SLC35F3: variants seen among roughly 807,000 people sequenced by gnomAD.
The protein encoded by SLC35F3 is putative thiamine transporter SLC35F3.
In SLC35F3, 25 loss-of-function variants were observed where a neutral mutation model predicts 49.9. The ratio of observed to expected loss-of-function variants is 0.50; its 90% CI spans 0.37 to 0.70. The LOEUF (loss-of-function observed/expected upper bound fraction) is 0.70. Ranked by LOEUF, SLC35F3 falls within the 30% of genes least tolerant of loss-of-function variation. The pLI, the probability that SLC35F3 is intolerant of heterozygous loss-of-function variation, is 0.00. For missense variants in SLC35F3, 525 were observed against 639.8 expected (o/e 0.82, Z 1.94); for synonymous variants, 275 against 265.4 (o/e 1.04, Z -0.35).
At chr1:234,259,905 A>G (rs1667876688) in intron 3 of SLC35F3, among the ~76,000 whole-genome samples, 1 of 152,088 alleles carries the variant, frequency 6.6e-6, no homozygotes, top group African/African-American at 2.4e-5. Flanking sequence ...CAGCTTCAAT[A>G]TAATAAAATC....
At chr1:234,086,380 C>T (rs1449808801) in intron 2 of SLC35F3, among the ~76,000 whole-genome samples, 1 of 152,174 alleles carries the variant, frequency 6.6e-6, no homozygotes, top group Non-Finnish European at 1.5e-5. Context: ...GGATCTTACT[C>T]CATAGCCAAC....
intron 2 of SLC35F3, chr1:234,026,953 T>G (rs1663988272): frequency 6.5e-6 from 1 of 152,694 alleles, no homozygotes; most frequent in South Asian, 2.1e-4. Flanking sequence ...GGATACCACT[T>G]TGCACCAGCA....
At chr1:234,240,718 A>G (rs866329911) in intron 3 of SLC35F3, among the ~76,000 whole-genome samples, 3 of 152,232 alleles carry the variant, frequency 2.0e-5, no homozygotes, top group South Asian at 2.1e-4. Context: ...TGATGATAAC[A>G]TAGTAGAACC....
At chr1:234,178,986 G>T (rs945008862) in intron 2 of SLC35F3, among the ~76,000 whole-genome samples, 3 of 151,984 alleles carry the variant, frequency 2.0e-5, no homozygotes, top group African/African-American at 7.3e-5. Flanking sequence ...ATCATAAGCT[G>T]GACTCTCGTC....
chr1:234,048,640 G>GAGCCTTGGAGGTAAGGCTCCCTAA (rs1553300608), intron 2 of SLC35F3, among the ~76,000 whole-genome samples: 2 of 11,972 alleles, frequency 1.7e-4, no homozygotes, highest in African/African-American at 4.2e-3. Context: ...GCATCACCTG[G>GAGCCTTGGAGGTAAGGCTCCCTAA]AGCCTTGGGA....
At chr1:234,234,378 G>A (rs1026435848) in intron 3 of SLC35F3, among the ~76,000 whole-genome samples, 1 of 152,136 alleles carries the variant, frequency 6.6e-6, no homozygotes, top group African/African-American at 2.4e-5. Flanking sequence ...AGCCGGAGCC[G>A]AGAGAGGAAG....
At chr1:234,089,177 G>A (rs112801251) in intron 2 of SLC35F3, among the ~76,000 whole-genome samples, 4 of 151,768 alleles carry the variant, frequency 2.6e-5, no homozygotes, top group South Asian at 2.1e-4. Context: ...CTTTTCCACC[G>A]AGCATAGTCC....
At chr1:234,274,870 A>C (rs1381874947) in intron 3 of SLC35F3, among the ~76,000 whole-genome samples, 1 of 152,238 alleles carries the variant, frequency 6.6e-6, no homozygotes, top group Non-Finnish European at 1.5e-5. Context: ...GAGGATGCCA[A>C]AGAACAAAAA....
chr1:234,271,569 A>T (rs1369726756), intron 3 of SLC35F3, among the ~76,000 whole-genome samples: 1 of 152,218 alleles, frequency 6.6e-6, no homozygotes, highest in Non-Finnish European at 1.5e-5. Context: ...CATCAGGGAA[A>T]ATGTAAAAGG....
At chr1:233,934,176 G>A (rs1662289740) in intron 2 of SLC35F3, among the ~76,000 whole-genome samples, 2 of 152,154 alleles carry the variant, frequency 1.3e-5, no homozygotes, top group South Asian at 2.1e-4. Context: ...GCTATGAACC[G>A]GATGCATATT....
In SLC35F3 at chr1:234,149,428, G is replaced by A. The variant is rs533237681; in HGVS notation, c.284-81989G>A. 2.1e-4 allele frequency among the ~76,000 whole-genome samples: 32 copies of A among 152,330 alleles called. No individual in the cohort carries two copies. The South Asian group carries it at 6.4e-3, about 31-fold the overall frequency. ...GTTAGTAATGGTTTTAGAGCATGGT[G>A]ATGTGCCTGCTGACTGTTTGGGGAT... is the stretch of plus-strand genomic sequence containing the variant. On this transcript the variant is annotated intron_variant, in intron 2 of 7. Transcript: ENST00000366618.
chr1:234,092,481 T>C (rs1320418475), intron 2 of SLC35F3, among the ~76,000 whole-genome samples: 2 of 152,102 alleles, frequency 1.3e-5, no homozygotes, highest in Non-Finnish European at 2.9e-5. Flanking sequence ...AGAAATGGCA[T>C]TGGAACCAAC....
At chr1:233,975,907 A>G (rs1663072282) in intron 2 of SLC35F3, among the ~76,000 whole-genome samples, 1 of 152,084 alleles carries the variant, frequency 6.6e-6, no homozygotes. Context: ...TCAATAAATG[A>G]CCCAGAGGTG....
intron 2 of SLC35F3, among the ~76,000 whole-genome samples, chr1:234,209,734 A>G (rs984401981): frequency 2.0e-5 from 3 of 152,098 alleles, no homozygotes; most frequent in Non-Finnish European, 4.4e-5. Flanking sequence ...TAAAGGGAAG[A>G]AGTTGAGATG....
chr1:234,216,819 G>A (rs562599375), intron 2 of SLC35F3, among the ~76,000 whole-genome samples: 2 of 152,294 alleles, frequency 1.3e-5, no homozygotes, highest in South Asian at 2.1e-4. Flanking sequence ...ATAAGGTAGA[G>A]GTAGCTGAAA....
chr1:234,012,979 A>G (rs955477179), intron 2 of SLC35F3, among the ~76,000 whole-genome samples: 4 of 152,202 alleles, frequency 2.6e-5, no homozygotes, highest in South Asian at 4.1e-4. Context: ...TAAAACATCA[A>G]ATAGAACTAA....
rs551660953 is a variant in SLC35F3 at position 234,090,778 on chromosome 1, C to T, written c.284-140639C>T. ...CCAGCTTGAACTGGACAAGAGCTGC[C>T]CTCAGTTCCTGAAAAACAACTATAA... On this transcript the variant is annotated intron_variant, in intron 2 of 7. Transcript: ENST00000366618. Among the ~76,000 whole-genome samples the T allele has an allele frequency of 1.7e-3, 252 of 152,248 alleles. 2 individuals carry two copies. The highest frequency in any genetic ancestry group is 2.9e-3 in the Non-Finnish European group (200 of 68,018).
intron 2 of SLC35F3, among the ~76,000 whole-genome samples, chr1:234,175,298 C>T (rs777437651): frequency 6.6e-6 from 1 of 152,186 alleles, no homozygotes; most frequent in African/African-American, 2.4e-5. Context: ...TTTCTTCTCT[C>T]GCATTGTCCA....
chr1:234,304,422 CA>C (rs1372852885), intron 3 of SLC35F3, among the ~76,000 whole-genome samples: 1 of 149,212 alleles, frequency 6.7e-6, no homozygotes, highest in Non-Finnish European at 1.5e-5. Context: ...CTTGGCATCC[CA>C]AAATGTCTAT....
Sources: gnomAD v4.1 joint callset for allele counts (sites outside exome capture counted in the v4.1 genomes callset) on GRCh38, gnomAD v4.1.1 for gene constraint, MANE v1.5 for transcripts, NCBI Gene and HGNC (gene_info 2026-07-23, HGNC 2026-07-21) for gene names.